The following TPCN2 variants were observed in gnomAD, a reference collection of about 807,000 sequenced individuals.
TPCN2 encodes the protein two pore channel protein 2.
Under a neutral mutation model 111.4 loss-of-function variants are expected in TPCN2, and 92 were observed. The ratio of observed to expected loss-of-function variants is 0.83; its 90% CI spans 0.70 to 0.98. The LOEUF is 0.98. Ranked by LOEUF, TPCN2 falls within the 50% of genes least tolerant of loss-of-function variation. TPCN2 has a pLI of 0.00. For missense variants in TPCN2, 995 were observed against 980.1 expected, an observed-to-expected ratio of 1.02 and a Z score of -0.20; for synonymous variants, 405 against 414.5, an observed-to-expected ratio of 0.98 and a Z score of 0.28.
At chr11:69,055,486 G>T in intron 4 of TPCN2, 134 bp downstream of exon 4, 1 of 954,258 alleles carries the variant, frequency 1.0e-6, no homozygotes, top group Non-Finnish European at 1.5e-6. Context: ...CGGTGAGCAA[G>T]GCACACTTTC....
intron 5 of TPCN2, 47 bp downstream of exon 5, chr11:69,057,741 G>A (rs1422867576): frequency 3.2e-6 from 5 of 1,583,456 alleles, no homozygotes; most frequent in South Asian, 1.1e-5. Context: ...TCTGGGGCTG[G>A]TGTGGGTGCA....
rs747464272 is a variant in TPCN2 at position 69,078,492 on chromosome 11, G to A, written c.1241G>A (p.Arg414Lys). 1 of 1,613,992 alleles carries A rather than the reference G, an allele frequency of 6.2e-7. No homozygotes were observed. Among genetic ancestry groups the A allele is most frequent in the Non-Finnish European group, 8.5e-7 (1 of 1,180,042 alleles). ...GTGTTCCTTGCCCAGCACCCGCCGA[G>A]GCCCGAGTACCAGTCTCCGTTTCTG... The part of the protein sequence containing the change: ...DRSVVKEHPP[R>K]PEYQSPFLQS... Residue 414 changes from arginine to lysine, a missense_variant, in exon 14 of 25, where the codon AGG becomes AAG. Transcript: ENST00000294309.
At chr11:69,077,334 GTGTCCCTTCACCTGCCCTCCTGCCA>G (rs1565091877) in intron 13 of TPCN2, among the ~76,000 whole-genome samples, 5 of 14,064 alleles carry the variant, frequency 3.6e-4, no homozygotes, top group East Asian at 2.2e-3. Flanking sequence ...CCCTCCTGCT[GTGTCCCTTCACCTGCCCTCCTGCCA>G]TGTCCCTCCA....
chr11:69,081,372 C>G, intron 17 of TPCN2, 28 bp from the exon 18 acceptor site: 2 of 1,511,046 alleles, frequency 1.3e-6, no homozygotes, highest in Non-Finnish European at 1.8e-6. Flanking sequence ...TGGGCTCCTC[C>G]CAACCCGCCT....
Position 69,087,200 on chromosome 11 carries a change from T to C in TPCN2, c.2174T>C (p.Leu725Pro). The change falls in exon 24 of 25, where the codon CTG (leucine) becomes CCG (proline). Residue 725 changes from leucine (L) to proline (P), a missense_variant. Coordinates refer to ENST00000294309, the MANE Select transcript of TPCN2 (RefSeq NM_139075.4). ...ACCTACCAGATGACTGTGGAGCTCCTGTTCAGGTGTGTGGGTGGGGAAGGC... is the reference window on the plus strand; with the variant it reads ...ACCTACCAGATGACTGTGGAGCTCCCGTTCAGGTGTGTGGGTGGGGAAGGC... ...EATYQMTVEL[L>P]FRDILEEPGE... 1 of 1,613,480 alleles carries C rather than the reference T, an allele frequency of 6.2e-7. No individual in the cohort carries two copies. Among genetic ancestry groups the C allele is most frequent in the Non-Finnish European group, 8.5e-7 (1 of 1,179,628 alleles).
intron 3 of TPCN2, 42 bp downstream of exon 3, chr11:69,054,839 T>C: frequency 6.3e-7 from 1 of 1,594,484 alleles, no homozygotes; most frequent in Non-Finnish European, 8.6e-7. Flanking sequence ...CCTGCCGGCT[T>C]GCGTGGCAGG....
At chr11:69,083,449 G>T (rs1011575820) in intron 18 of TPCN2, among the ~76,000 whole-genome samples, 7 of 152,220 alleles carry the variant, frequency 4.6e-5, no homozygotes, top group Admixed American at 3.9e-4. Context: ...TGGAGCCGGG[G>T]CCTCCCTGCT....
In TPCN2 at chr11:69,067,534, C is replaced by G. The variant is rs1436651210; in HGVS notation, c.758C>G (p.Thr253Ser). Reference sequence around the variant, plus strand: ...GATGGGCAGGACAGGGAGAGGCTGACCTACTTCCAGAACCTGCCTGAGTCT... The same window carrying G: ...GATGGGCAGGACAGGGAGAGGCTGAGCTACTTCCAGAACCTGCCTGAGTCT... The part of the protein sequence containing the change: ...QDDGQDRERL[T>S]YFQNLPESLT... The change falls in exon 8 of 25, where the codon ACC becomes AGC. Residue 253 changes from threonine (T) to serine (S), a missense_variant. Coordinates refer to ENST00000294309, the MANE Select transcript of TPCN2 (RefSeq NM_139075.4). 1 of 1,613,964 alleles carries G rather than the reference C, an allele frequency of 6.2e-7. No homozygotes were observed. Among genetic ancestry groups the G allele is most frequent in the East Asian group, 2.2e-5 (1 of 44,878 alleles).
At chr11:69,052,352 T>A (rs11228459) in intron 1 of TPCN2, among the ~76,000 whole-genome samples, 11,251 of 152,140 alleles carry the variant, frequency 0.074, 1,438 homozygotes, top group African/African-American at 0.26. Flanking sequence ...TCATGGGATA[T>A]ATCAGCTTTG....
In TPCN2 at chr11:69,055,190, C is replaced by G. The variant is rs115204200; in HGVS notation, c.267C>G (p.Thr89=). The change falls in exon 4 of 25, where the codon ACC becomes ACG. Residue 89 remains threonine (T), a synonymous_variant. Transcript: ENST00000294309. Reference sequence around the variant, plus strand: ...CCCTTTCCAGGACTTTGAGCTTCACCATCTTCTTGATCCTGTTTTTGGCTT... The same window carrying G: ...CCCTTTCCAGGACTTTGAGCTTCACGATCTTCTTGATCCTGTTTTTGGCTT... ...SNVCQRTLSF[T]IFLILFLAFI... is the part of the protein sequence containing the mutation. 1.9e-6 allele frequency: 3 copies of G among 1,614,076 alleles called. No individual in the cohort carries two copies. The South Asian group carries it at 3.3e-5, about 18-fold the overall frequency.
At chr11:69,086,721 G>T in intron 23 of TPCN2, 117 bp downstream of exon 23, 3 of 958,470 alleles carry the variant, frequency 3.1e-6, no homozygotes, top group East Asian at 2.5e-5. Flanking sequence ...AGTCGTGCTG[G>T]GTTAGGCGGG....
intron 7 of TPCN2, among the ~76,000 whole-genome samples, chr11:69,065,000 G>A (rs556124589): frequency 4.6e-5 from 7 of 151,196 alleles, no homozygotes; most frequent in African/African-American, 1.7e-4. Flanking sequence ...TGCGTGTGTG[G>A]TGTCTGTGTG....
chr11:69,089,797 C>T lies in TPCN2; in HGVS notation c.*1844C>T, dbSNP rs1228607748. On this transcript the variant is annotated 3_prime_UTR_variant, in exon 25 of 25. Coordinates refer to ENST00000294309, the MANE Select transcript of TPCN2 (RefSeq NM_139075.4). Reference sequence around the variant, plus strand: ...TTTACTTTTTCCTTCCTTCCTTGCTCCCACCTGTGTGGATCCTGGTCCCTT... The same window carrying T: ...TTTACTTTTTCCTTCCTTCCTTGCTTCCACCTGTGTGGATCCTGGTCCCTT... 2.0e-5 allele frequency: 3 copies of T among 152,324 alleles called. No individual in the cohort carries two copies. The highest frequency in any genetic ancestry group is 1.9e-4 in the East Asian group (1 of 5,200). The allele number at this position is 152,324 out of a possible 1,614,324, so 9.4% of individuals were successfully genotyped here. A position where few individuals can be genotyped will look rare whatever the true frequency, so the allele number is the denominator to read the frequency against.
At position 69,089,858 on chromosome 11, in the gene TPCN2, C is replaced by A. The variant is rs1468125650; in HGVS notation, c.*1905C>A. 6.6e-6 allele frequency: 1 copy of A among 152,244 alleles called. No individual in the cohort carries two copies. Among genetic ancestry groups the A allele is most frequent in the Non-Finnish European group, 1.5e-5 (1 of 68,052 alleles). The allele number at this position is 152,244 out of a possible 1,614,324, so 9.4% of individuals were successfully genotyped here. A position where few individuals can be genotyped will look rare whatever the true frequency, so the allele number is the denominator to read the frequency against. On this transcript the variant is annotated 3_prime_UTR_variant, in exon 25 of 25. Coordinates refer to ENST00000294309, the MANE Select transcript of TPCN2 (RefSeq NM_139075.4). The stretch of plus-strand genomic sequence containing the variant: ...GGGCTGTGGTCTGTTATGACATTTA[C>A]TCTCAGGCTCAGGTCCTGCTTGTTT...
intron 7 of TPCN2, among the ~76,000 whole-genome samples, chr11:69,066,950 G>A (rs1356016430): frequency 1.3e-5 from 2 of 152,222 alleles, no homozygotes; most frequent in African/African-American, 4.8e-5. Flanking sequence ...AGGGAGAGAG[G>A]ATAGGGACTC....
chr11:69,085,689 C>G lies in TPCN2; in HGVS notation c.1857C>G (p.Gly619=). Residue 619 remains glycine (G), a synonymous_variant, in exon 21 of 25, where the codon GGC becomes GGG. Coordinates refer to ENST00000294309, the MANE Select transcript of TPCN2 (RefSeq NM_139075.4). ...TCCCCAGCCTGGCCCCTGCCAATGG[C>G]TCGGCGCCCTGTGGGAGCTTCGAGC... ...PGNSSLAPAN[G]SAPCGSFEQL... The G allele has an allele frequency of 3.7e-6, 6 of 1,613,740 alleles. No homozygotes were observed. The highest frequency in any genetic ancestry group is 4.2e-6 in the Non-Finnish European group (5 of 1,179,752).
chr11:69,048,948 C>T lies in TPCN2; in HGVS notation c.-50C>T. 4.3e-6 allele frequency: 5 copies of T among 1,175,386 alleles called. No homozygotes were observed. Among genetic ancestry groups the T allele is most frequent in the Non-Finnish European group, 5.4e-6 (5 of 933,680 alleles). 72.8% of individuals were successfully genotyped at this position (1,175,386 alleles called of 1,614,324 possible). Reference sequence around the variant, plus strand: ...CGCGCCTGCGCAGTGAAGCTGGGCGCCTTCGGGGCTTGAGCTTCTGAGGGT... The same window carrying T: ...CGCGCCTGCGCAGTGAAGCTGGGCGTCTTCGGGGCTTGAGCTTCTGAGGGT... On this transcript the variant is annotated 5_prime_UTR_variant, in exon 1 of 25. Transcript: ENST00000294309.
At position 69,074,359 on chromosome 11, in the gene TPCN2, T is replaced by C. The variant is rs376676184; in HGVS notation, c.1230+1358T>C. 5.9e-5 allele frequency among the ~76,000 whole-genome samples: 9 copies of C among 152,250 alleles called. No homozygotes were observed. The East Asian group carries it at 1.7e-3, about 29-fold the overall frequency. ...ATATGGGCGATGAGTGTGGTGAGGA[T>C]CAGTAGGTGGCAGTTTGAATATTCA... is the stretch of plus-strand genomic sequence containing the variant. On this transcript the variant is annotated intron_variant, in intron 13 of 24. Transcript: ENST00000294309.
intron 13 of TPCN2, among the ~76,000 whole-genome samples, chr11:69,074,105 C>T (rs988929476): frequency 6.6e-6 from 1 of 152,196 alleles, no homozygotes; most frequent in Non-Finnish European, 1.5e-5. Context: ...AAAATTCAAC[C>T]CATAGCAACT....
Sources: allele counts gnomAD v4.1 joint callset (sites outside exome capture counted in the v4.1 genomes callset), GRCh38; gene constraint gnomAD v4.1.1; transcripts MANE v1.5; gene names NCBI Gene and HGNC (gene_info 2026-07-23, HGNC 2026-07-21).